ENKUR: variants seen among roughly 807,000 people sequenced by gnomAD.
ENKUR encodes the protein enkurin, TRPC channel interacting protein.
In ENKUR, 19 loss-of-function variants were observed where a neutral mutation model predicts 27.6. The observed-to-expected ratio is 0.69, with a 90% CI of 0.48 to 1.01. The LOEUF is 1.01. Among genes scored for constraint, ENKUR ranks in the 50% least tolerant of loss-of-function variants. ENKUR has a pLI of 0.00. For missense variants in ENKUR, 312 were observed against 310.5 expected, an observed-to-expected ratio of 1.00 and a Z score of -0.04; for synonymous variants, 117 against 96.9, an observed-to-expected ratio of 1.21 and a Z score of -1.22.
At chr10:24,997,081 T>G (rs1300193449) in intron 2 of ENKUR, among the ~76,000 whole-genome samples, 2 of 152,018 alleles carry the variant, frequency 1.3e-5, no homozygotes, top group Non-Finnish European at 2.9e-5. Flanking sequence ...GCGTGTGGTG[T>G]TGCATGCCTG....
chr10:25,011,664 T>C (rs974104611), intron 1 of ENKUR, among the ~76,000 whole-genome samples: 4 of 152,184 alleles, frequency 2.6e-5, no homozygotes, highest in East Asian at 1.9e-4. Context: ...ATTCAGGATA[T>C]AGGCATGGGC....
intron 2 of ENKUR, among the ~76,000 whole-genome samples, chr10:25,042,139 A>G (rs1029203713): frequency 2.0e-5 from 3 of 152,130 alleles, no homozygotes; most frequent in African/African-American, 7.2e-5. Flanking sequence ...GTAAAGAGGC[A>G]TTGTATCTGC....
intron 4 of ENKUR, among the ~76,000 whole-genome samples, chr10:24,989,944 T>C (rs1849889453): frequency 6.6e-6 from 1 of 152,124 alleles, no homozygotes; most frequent in South Asian, 2.1e-4. Context: ...CCAATATAAA[T>C]ATATCTTTAA....
intron 2 of ENKUR, among the ~76,000 whole-genome samples, chr10:25,028,949 C>G (rs1283782267): frequency 6.6e-6 from 1 of 152,136 alleles, no homozygotes; most frequent in African/African-American, 2.4e-5. Flanking sequence ...TGTGTTATCC[C>G]ATGACCTATT....
At chr10:25,042,487 G>C (rs1051831832) in intron 2 of ENKUR, among the ~76,000 whole-genome samples, 1 of 151,948 alleles carries the variant, frequency 6.6e-6, no homozygotes, top group Non-Finnish European at 1.5e-5. Flanking sequence ...GAGAGACGGG[G>C]TTTCACCATG....
At chr10:25,058,359 C>T (rs1588688026) in intron 2 of ENKUR, among the ~76,000 whole-genome samples, 1 of 152,030 alleles carries the variant, frequency 6.6e-6, no homozygotes, top group African/African-American at 2.4e-5. Flanking sequence ...AGGCATGCAC[C>T]ACTATGCTCA....
intron 4 of ENKUR, among the ~76,000 whole-genome samples, chr10:24,989,927 A>G (rs1588647959): frequency 6.7e-6 from 1 of 148,960 alleles, no homozygotes; most frequent in East Asian, 1.9e-4. Context: ...GCCCTGCATT[A>G]AAAAATCCAA....
At chr10:25,028,128 C>T (rs1850890313) in intron 2 of ENKUR, among the ~76,000 whole-genome samples, 1 of 152,168 alleles carries the variant, frequency 6.6e-6, no homozygotes, top group East Asian at 1.9e-4. Context: ...AGGGGGAAAA[C>T]ATTCTAGCAG....
chr10:24,988,332 A>ATG (rs1232052587), intron 4 of ENKUR, among the ~76,000 whole-genome samples: 1 of 144,932 alleles, frequency 6.9e-6, no homozygotes, highest in Non-Finnish European at 1.5e-5. Context: ...ATATTTATAT[A>ATG]TGTGTATATA....
rs1292409466 is a variant in ENKUR at position 25,021,165 on chromosome 10, C to T, written c.38-25296G>A. 3.9e-5 allele frequency among the ~76,000 whole-genome samples: 6 copies of T among 152,152 alleles called. No homozygotes were observed. The East Asian group carries it at 1.2e-3, about 29-fold the overall frequency. ...CATATTTGGGTTCAATTTATATATT[C>T]CTAGCCCACTGTCAGTGAGTGACAA... On this transcript the variant is annotated intron_variant, in intron 2 of 5. Transcript: ENST00000615958.
chr10:25,011,682 T>A (rs1331847442), intron 1 of ENKUR, among the ~76,000 whole-genome samples: 1 of 152,152 alleles, frequency 6.6e-6, no homozygotes, highest in East Asian at 1.9e-4. Flanking sequence ...GGCAAGGTTT[T>A]CATGTCTAAA....
intron 1 of ENKUR, 95 bp downstream of exon 1, chr10:25,015,765 T>C: frequency 8.7e-7 from 1 of 1,153,624 alleles, no homozygotes; most frequent in East Asian, 3.0e-5. Flanking sequence ...AAATACATTT[T>C]ATTTATTATT....
In ENKUR at chr10:25,024,910, T is replaced by C. The variant is rs185966701; in HGVS notation, c.38-29041A>G. On this transcript the variant is annotated intron_variant, in intron 2 of 5. Transcript: ENST00000615958. ...AAAACTAGCACAAACCTTTTCACCGTCAATAGATATTCTCAAATCTTCAAA... is the reference window on the plus strand; with the variant it reads ...AAAACTAGCACAAACCTTTTCACCGCCAATAGATATTCTCAAATCTTCAAA... 1.6e-4 allele frequency: 263 copies of C among 1,613,900 alleles called. 3 individuals are homozygous for C. The Admixed American group carries it at 4.3e-3, about 27-fold the overall frequency.
chr10:25,032,890 C>T (rs1429834775), intron 2 of ENKUR, among the ~76,000 whole-genome samples: 2 of 152,080 alleles, frequency 1.3e-5, no homozygotes, highest in South Asian at 2.1e-4. Flanking sequence ...CCTCTAAAGT[C>T]GATCCCTGGC....
chr10:25,055,791 G>T (rs538544281), intron 2 of ENKUR, among the ~76,000 whole-genome samples: 1 of 152,070 alleles, frequency 6.6e-6, no homozygotes, highest in South Asian at 2.1e-4. Context: ...CCCTCAAAAC[G>T]GTATGATGCA....
intron 2 of ENKUR, chr10:25,025,076 G>A (rs1247709241): frequency 1.2e-6 from 2 of 1,614,198 alleles, no homozygotes; most frequent in Admixed American, 1.7e-5. Flanking sequence ...GTAGCTGACT[G>A]GTGCTCTGAG....
chr10:24,991,905 C>A (rs183892049), intron 3 of ENKUR, among the ~76,000 whole-genome samples: 1 of 152,302 alleles, frequency 6.6e-6, no homozygotes, highest in Non-Finnish European at 1.5e-5. Context: ...ACCCATAGAC[C>A]CTGCTTTGGA....
chr10:24,988,252 G>A (rs568133371), intron 4 of ENKUR, among the ~76,000 whole-genome samples: 7 of 137,146 alleles, frequency 5.1e-5, no homozygotes, highest in East Asian at 2.0e-4. Context: ...ATATATATAT[G>A]TGTATATATA....
At chr10:25,046,585 T>C (rs1405269243) in intron 2 of ENKUR, among the ~76,000 whole-genome samples, 1 of 152,188 alleles carries the variant, frequency 6.6e-6, no homozygotes, top group Non-Finnish European at 1.5e-5. Context: ...CTCTGTGCCT[T>C]TGTTTCTTCA....
Sources: gnomAD v4.1 joint callset for allele counts (sites outside exome capture counted in the v4.1 genomes callset) on GRCh38, gnomAD v4.1.1 for gene constraint, MANE v1.5 for transcripts, NCBI Gene and HGNC (gene_info 2026-07-23, HGNC 2026-07-21) for gene names.